Variants in CACNB2 observed in about 807,000 individuals in gnomAD.
The protein encoded by CACNB2 is calcium voltage-gated channel auxiliary subunit beta 2.
CACNB2 carries 42 observed loss-of-function variants against 73.3 expected under a neutral mutation model. That is an observed-to-expected ratio of 0.57 (90% confidence interval 0.45 to 0.74). CACNB2 has a LOEUF of 0.74. Ranked by LOEUF, CACNB2 falls within the 30% of genes least tolerant of loss-of-function variation. CACNB2 has a pLI of 0.00. For missense variants in CACNB2, 940 were observed against 853.0 expected, an observed-to-expected ratio of 1.10 and a Z score of -1.27; for synonymous variants, 348 against 310.3, an observed-to-expected ratio of 1.12 and a Z score of -1.28.
intron 2 of CACNB2, among the ~76,000 whole-genome samples, chr10:18,375,579 C>G (rs2042764868): frequency 6.6e-6 from 1 of 152,162 alleles, no homozygotes; most frequent in East Asian, 1.9e-4. Flanking sequence ...ATATTTGTCA[C>G]AAAAATACTT....
chr10:18,536,243 C>CGTTTTTTTTTTTT (rs2053561910), intron 12 of CACNB2, 47 bp downstream of exon 12: 1 of 248,580 alleles, frequency 4.0e-6, no homozygotes, highest in East Asian at 1.0e-4. Flanking sequence ...GAGATCAGAC[C>CGTTTTTTTTTTTT]TTTTTTTTTT....
intron 2 of CACNB2, among the ~76,000 whole-genome samples, chr10:18,365,007 A>G (rs1167157170): frequency 6.6e-6 from 1 of 152,210 alleles, no homozygotes; most frequent in Admixed American, 6.5e-5. Context: ...GAATGTTAGT[A>G]GTAGAAAGAG....
intron 2 of CACNB2, among the ~76,000 whole-genome samples, chr10:18,164,299 C>T (rs965507726): frequency 6.6e-6 from 1 of 152,116 alleles, no homozygotes; most frequent in Non-Finnish European, 1.5e-5. Context: ...TAGACGTTTT[C>T]CCTTGCGCAG....
At chr10:18,181,441 A>T (rs1449957290) in intron 2 of CACNB2, among the ~76,000 whole-genome samples, 1 of 152,098 alleles carries the variant, frequency 6.6e-6, no homozygotes, top group East Asian at 1.9e-4. Context: ...GGAACTTGGT[A>T]CCCTTCCTTA....
intron 6 of CACNB2, chr10:18,513,613 TAAGA>T (rs1173477756): frequency 3.2e-6 from 1 of 314,338 alleles, no homozygotes; most frequent in African/African-American, 2.2e-5. Flanking sequence ...TGAACTCGAA[TAAGA>T]AAGTCACTCA....
chr10:18,214,340 C>G (rs78308268), intron 2 of CACNB2, among the ~76,000 whole-genome samples: 2,294 of 75,862 alleles, frequency 0.03, 666 homozygotes, highest in African/African-American at 0.065. Context: ...TATTTAACAA[C>G]TGTGACTGGG....
chr10:18,224,630 C>A (rs1167814121), intron 2 of CACNB2, among the ~76,000 whole-genome samples: 2 of 152,138 alleles, frequency 1.3e-5, no homozygotes, highest in African/African-American at 4.8e-5. Context: ...AGAACCTGGG[C>A]CCCCTAGTCT....
At chr10:18,359,043 A>T (rs1409401935) in intron 2 of CACNB2, among the ~76,000 whole-genome samples, 1 of 152,148 alleles carries the variant, frequency 6.6e-6, no homozygotes, top group Non-Finnish European at 1.5e-5. Flanking sequence ...AAATAGTGAC[A>T]CAAATTGTCA....
chr10:18,175,423 C>T (rs972313835), intron 2 of CACNB2, among the ~76,000 whole-genome samples: 4 of 152,170 alleles, frequency 2.6e-5, no homozygotes, highest in African/African-American at 7.2e-5. Context: ...AAAGGATGTG[C>T]GTATTGGGTC....
rs1310739990 is a variant in CACNB2 at position 18,331,675 on chromosome 10, T to C, written c.214-70249T>C. 4.6e-5 allele frequency among the ~76,000 whole-genome samples: 7 copies of C among 152,108 alleles called. No individual in the cohort carries two copies. In the South Asian group the frequency reaches 8.3e-4, roughly 18 times the overall value. On this transcript the variant is annotated intron_variant, in intron 2 of 13. Transcript: ENST00000324631. ...CACTAGCCTCCCTCTAGGTGATGAG[T>C]TGAACATCCTCTCATAACAGCAGAA...
chr10:18,204,337 G>C (rs2035006226), intron 2 of CACNB2, among the ~76,000 whole-genome samples: 1 of 152,158 alleles, frequency 6.6e-6, no homozygotes, highest in Admixed American at 6.6e-5. Context: ...ACAAAGTCTA[G>C]CATGAAATGA....
intron 3 of CACNB2, among the ~76,000 whole-genome samples, chr10:18,421,099 T>C (rs1375778865): frequency 6.6e-6 from 1 of 152,184 alleles, no homozygotes; most frequent in Non-Finnish European, 1.5e-5. Flanking sequence ...TAAAATATCT[T>C]CATCTTAGTA....
chr10:18,224,538 A>T (rs1299888186), intron 2 of CACNB2, among the ~76,000 whole-genome samples: 5 of 152,200 alleles, frequency 3.3e-5, no homozygotes, highest in African/African-American at 1.2e-4. Flanking sequence ...GGGTTGGGAC[A>T]GATGCTCATA....
chr10:18,215,023 A>C (rs2035457854), intron 2 of CACNB2, among the ~76,000 whole-genome samples: 1 of 152,188 alleles, frequency 6.6e-6, no homozygotes, highest in South Asian at 2.1e-4. Context: ...ATTGGCTAAA[A>C]ATCATTGGGT....
chr10:18,534,040 T>G, intron 10 of CACNB2, 36 bp from the exon 11 acceptor site: 1 of 1,611,202 alleles, frequency 6.2e-7, no homozygotes, highest in Non-Finnish European at 8.5e-7. Context: ...ATCTTAAAAA[T>G]ACTGCACTTT....
At chr10:18,218,488 A>G (rs143343270) in intron 2 of CACNB2, among the ~76,000 whole-genome samples, 3 of 152,340 alleles carry the variant, frequency 2.0e-5, no homozygotes, top group African/African-American at 7.2e-5. Flanking sequence ...AGAGATCTGT[A>G]TGAATGTGTA....
At chr10:18,292,237 A>G (rs531182396) in intron 2 of CACNB2, among the ~76,000 whole-genome samples, 1 of 152,348 alleles carries the variant, frequency 6.6e-6, no homozygotes, top group African/African-American at 2.4e-5. Flanking sequence ...GAAACAAGAT[A>G]GCATAGCTGT....
chr10:18,216,044 C>G (rs949985416), intron 2 of CACNB2, among the ~76,000 whole-genome samples: 1 of 151,860 alleles, frequency 6.6e-6, no homozygotes, highest in Admixed American at 6.6e-5. Flanking sequence ...GCCTGTAATC[C>G]CAGCACTTTG....
intron 2 of CACNB2, among the ~76,000 whole-genome samples, chr10:18,229,062 A>G (rs1222710406): frequency 6.6e-6 from 1 of 152,180 alleles, no homozygotes; most frequent in Non-Finnish European, 1.5e-5. Context: ...ATTTCTTTGC[A>G]GTTCTAAAAA....
Sources: gnomAD v4.1 joint callset for allele counts (sites outside exome capture counted in the v4.1 genomes callset) on GRCh38, gnomAD v4.1.1 for gene constraint, MANE v1.5 for transcripts, NCBI Gene and HGNC (gene_info 2026-07-23, HGNC 2026-07-21) for gene names.